The following CLCN7 variants were observed in gnomAD, a reference collection of about 807,000 sequenced individuals.
CLCN7 encodes the protein H(+)/Cl(-) exchange transporter 7.
In CLCN7, 60 loss-of-function variants were observed where a neutral mutation model predicts 102.1. The ratio of observed to expected loss-of-function variants is 0.59; its 90% confidence interval spans 0.48 to 0.73. CLCN7 has a LOEUF of 0.73. CLCN7 is among the 30% of genes least tolerant of loss of function. The pLI is 0.00. For missense variants in CLCN7, 962 were observed against 1,125.7 expected, an observed-to-expected ratio of 0.85 and a Z score of 2.08; for synonymous variants, 560 against 490.5, an observed-to-expected ratio of 1.14 and a Z score of -1.87.
In CLCN7 at chr16:1,452,813, A is replaced by G; in HGVS notation, c.1295T>C (p.Ile432Thr). ...GGGCTGGCAATCCCGCGACGAGTAG[A>G]TCAGCACGAAGGCAACTGTGGCCGT... Reference protein sequence around the residue: ...AVTATVAFVLIYSSRDCQPLQ... With the variant: ...AVTATVAFVLTYSSRDCQPLQ... The change falls in exon 15 of 25, where the codon ATC (isoleucine) becomes ACC (threonine). Residue 432 changes from isoleucine to threonine, a missense_variant. Coordinates refer to ENST00000382745, the MANE Select transcript of CLCN7 (RefSeq NM_001287.6). The G allele has an allele frequency of 6.2e-7, 1 of 1,605,120 alleles. No individual in the cohort carries two copies. The highest frequency in any genetic ancestry group is 1.1e-5 in the South Asian group (1 of 89,832).
chr16:1,474,810 C>T, intron 1 of CLCN7, 24 bp downstream of exon 1: 1 of 1,308,184 alleles, frequency 7.6e-7, no homozygotes, highest in Non-Finnish European at 9.7e-7. Context: ...TCAGTTTCCC[C>T]GCCTGCGCCC....
chr16:1,445,890 C>A lies in CLCN7; in HGVS notation c.*741G>T. The stretch of plus-strand genomic sequence containing the variant: ...GGGTGTGGGGCCCAGACTCCAAGCT[C>A]TGGGGGTTGGGGGACCAAGGCAGGG... On this transcript the variant is annotated 3_prime_UTR_variant, in exon 25 of 25. Coordinates refer to ENST00000382745, the MANE Select transcript of CLCN7 (RefSeq NM_001287.6). 1 of 209,246 alleles carries A rather than the reference C, an allele frequency of 4.8e-6. No individual in the cohort carries two copies. Among genetic ancestry groups the A allele is most frequent in the Non-Finnish European group, 9.5e-6 (1 of 104,846 alleles). The allele number at this position is 209,246 out of a possible 1,614,324, so 13.0% of individuals were successfully genotyped here.
At chr16:1,471,006 A>G (rs1307843707) in intron 1 of CLCN7, among the ~76,000 whole-genome samples, 1 of 152,114 alleles carries the variant, frequency 6.6e-6, no homozygotes, top group Non-Finnish European at 1.5e-5. Context: ...TGCCGCCCAC[A>G]CACGGCCAGG....
In CLCN7 at chr16:1,455,642, C is replaced by T. The variant is rs1250812766; in HGVS notation, c.981+89G>A. On this transcript the variant is annotated intron_variant, in intron 11 of 24. Coordinates refer to ENST00000382745, the MANE Select transcript of CLCN7 (RefSeq NM_001287.6). ...AGGGGGTCCAGCTCCAGCCGCAGCT[C>T]GATGGGTGGCCCCAAGGTGGACCCC... is the stretch of plus-strand genomic sequence containing the variant. 19 of 1,390,992 alleles carry T rather than the reference C, an allele frequency of 1.4e-5. 1 individual carries two copies. Among genetic ancestry groups the T allele is most frequent in the South Asian group, 4.7e-5 (4 of 85,218 alleles). The allele number at this position is 1,390,992 out of a possible 1,614,324, so 86.2% of individuals were successfully genotyped here.
intron 10 of CLCN7, 137 bp downstream of exon 10, chr16:1,455,976 C>G (rs755545633): frequency 1.0e-6 from 1 of 988,788 alleles, no homozygotes; most frequent in Non-Finnish European, 1.5e-6. Flanking sequence ...AGTACACTGC[C>G]GGCCGCTTCC....
In CLCN7 at chr16:1,461,297, G is replaced by A. The variant is rs933020991; in HGVS notation, c.351+108C>T. On this transcript the variant is annotated intron_variant, in intron 4 of 24. Transcript: ENST00000382745. ...ACAGGCCTCAGAGGCGGAGTCAGAGGAGGAGGGAGGAGGTGCGTCACCTCA... is the reference window on the plus strand; with the variant it reads ...ACAGGCCTCAGAGGCGGAGTCAGAGAAGGAGGGAGGAGGTGCGTCACCTCA... 7 of 961,390 alleles carry A rather than the reference G, an allele frequency of 7.3e-6. No individual in the cohort carries two copies. In the African/African-American group the frequency reaches 1.1e-4, roughly 16 times the overall value. 59.6% of individuals were successfully genotyped at this position (961,390 alleles called of 1,614,324 possible).
rs2038636713 is a variant in CLCN7, at chr16:1,446,196, C to A, written c.*435G>T. ...AAGCAGCTCCCAAGTCTCGAAGACT[C>A]CACTGGTGTGGAGGCAGAGGGGCCC... On this transcript the variant is annotated 3_prime_UTR_variant, in exon 25 of 25. Transcript: ENST00000382745. 1.6e-6 allele frequency: 1 copy of A among 618,930 alleles called. No homozygotes were observed. The highest frequency in any genetic ancestry group is 1.8e-5 in the African/African-American group (1 of 54,274). The allele number at this position is 618,930 out of a possible 1,614,324, so 38.3% of individuals were successfully genotyped here. A position where few individuals can be genotyped will look rare whatever the true frequency, so the allele number is the denominator to read the frequency against.
rs1262895517 is a variant in CLCN7 at position 1,445,989 on chromosome 16, C to A, written c.*642G>T. 8.3e-6 allele frequency: 4 copies of A among 484,030 alleles called. No individual in the cohort carries two copies. Among genetic ancestry groups the A allele is most frequent in the Non-Finnish European group, 1.5e-5 (4 of 271,790 alleles). 30.0% of individuals were successfully genotyped at this position (484,030 alleles called of 1,614,324 possible). A position where few individuals can be genotyped will look rare whatever the true frequency, so the allele number is the denominator to read the frequency against. ...CACAGCACAGGGCCCGTGAGTCACC[C>A]CAGTCCTCTGGGCCTGTGTACCCAA... is the stretch of plus-strand genomic sequence containing the variant. On this transcript the variant is annotated 3_prime_UTR_variant, in exon 25 of 25. Coordinates refer to ENST00000382745, the MANE Select transcript of CLCN7 (RefSeq NM_001287.6).
In CLCN7 at chr16:1,445,498, G is replaced by A. The variant is rs936579220; in HGVS notation, c.*1133C>T. 14 of 152,420 alleles carry A rather than the reference G, an allele frequency of 9.2e-5. No homozygotes were observed. The highest frequency in any genetic ancestry group is 3.4e-4 in the African/African-American group (14 of 41,592). 9.4% of individuals were successfully genotyped at this position (152,420 alleles called of 1,614,324 possible). On this transcript the variant is annotated 3_prime_UTR_variant, in exon 25 of 25. Transcript: ENST00000382745. ...GGGGCCGCACCCAGCCCCCCACGGA[G>A]GGACCCGTGTTGCTCTAACAGGGAC...
rs762701523 is a variant in CLCN7, at chr16:1,465,267, C to G, written c.213G>C (p.Pro71=). 3 of 1,613,328 alleles carry G rather than the reference C, an allele frequency of 1.9e-6. No homozygotes were observed. Among genetic ancestry groups the G allele is most frequent in the Non-Finnish European group, 2.5e-6 (3 of 1,179,652 alleles). ...SVELDDELLD[P]DMDPPHPFPK... ...AGGACGGGGAACACCCCCAACTCAC[C>G]GGGTCCAAAAGTTCATCATCCAGCT... The change falls in exon 2 of 25, where the codon CCG becomes CCC. Residue 71 remains proline (P), a splice_region_variant and synonymous_variant. Coordinates refer to ENST00000382745, the MANE Select transcript of CLCN7 (RefSeq NM_001287.6).
At chr16:1,450,235 C>G (rs2038722750) in intron 17 of CLCN7, 1 of 540,472 alleles carries the variant, frequency 1.9e-6, no homozygotes, top group Non-Finnish European at 3.4e-6. Flanking sequence ...ATCACATTCT[C>G]AAGAATAAGG....
intron 1 of CLCN7, chr16:1,474,159 A>G (rs2039117612): frequency 2.2e-6 from 1 of 455,966 alleles, no homozygotes; most frequent in Non-Finnish European, 4.4e-6. Context: ...AGACCTTAAC[A>G]CTGCTCAGAC....
chr16:1,468,247 C>T (rs1044326357), intron 1 of CLCN7, among the ~76,000 whole-genome samples: 1 of 152,200 alleles, frequency 6.6e-6, no homozygotes, highest in Non-Finnish European at 1.5e-5. Flanking sequence ...GTGAAGGCTG[C>T]CGGTGCAGTA....
chr16:1,465,227 A>T, intron 2 of CLCN7, 40 bp downstream of exon 2: 1 of 1,583,258 alleles, frequency 6.3e-7, no homozygotes, highest in Non-Finnish European at 8.7e-7. Flanking sequence ...GCTAAGATGC[A>T]GCTAGCTCTG....
intron 1 of CLCN7, among the ~76,000 whole-genome samples, chr16:1,468,267 C>T (rs763289572): frequency 6.6e-5 from 10 of 152,250 alleles, no homozygotes; most frequent in Admixed American, 2.6e-4. Flanking sequence ...ATGTGACCAG[C>T]GGGCCACCCC....
intron 17 of CLCN7, chr16:1,449,923 G>C (rs2038717193): frequency 5.5e-6 from 1 of 180,924 alleles, no homozygotes; most frequent in African/African-American, 2.4e-5. Flanking sequence ...GAGCACACGG[G>C]CCTGGGGAGC....
intron 5 of CLCN7, 120 bp downstream of exon 5, chr16:1,460,696 C>T (rs1439899992): frequency 6.7e-7 from 1 of 1,489,836 alleles, no homozygotes; most frequent in Non-Finnish European, 9.2e-7. Context: ...AGGGACACAG[C>T]CAGCCTGGCC....
chr16:1,469,744 G>A (rs558170920), intron 1 of CLCN7, among the ~76,000 whole-genome samples: 5 of 152,216 alleles, frequency 3.3e-5, no homozygotes, highest in African/African-American at 7.2e-5. Context: ...AAAAAGCAGC[G>A]TCTGAAAGTC....
intron 16 of CLCN7, among the ~76,000 whole-genome samples, chr16:1,451,300 T>C (rs904429701): frequency 1.3e-5 from 2 of 152,196 alleles, no homozygotes; most frequent in African/African-American, 4.8e-5. Flanking sequence ...CTCAACCTTC[T>C]GGGCTCAAGC....
Sources: allele counts gnomAD v4.1 joint callset (sites outside exome capture counted in the v4.1 genomes callset), GRCh38; gene constraint gnomAD v4.1.1; transcripts MANE v1.5; gene names NCBI Gene and HGNC (gene_info 2026-07-23, HGNC 2026-07-21).